CCDC102B: variants seen among roughly 807,000 people sequenced by gnomAD.
The protein encoded by CCDC102B is coiled-coil domain-containing protein 102B.
Under a neutral mutation model 57.4 loss-of-function variants are expected in CCDC102B, and 75 were observed. The observed-to-expected ratio is 1.31, with a 90% CI of 1.08 to 1.58. The LOEUF (loss-of-function observed/expected upper bound fraction) is 1.58. Among genes scored for constraint, CCDC102B ranks in the 40% most tolerant of loss-of-function variants. CCDC102B has a pLI of 0.00. For missense variants in CCDC102B, 636 were observed against 582.6 expected (o/e 1.09, Z -0.94); for synonymous variants, 206 against 201.9 (o/e 1.02, Z -0.17).
At chr18:68,879,018 G>A (rs1466446491) in intron 5 of CCDC102B, among the ~76,000 whole-genome samples, 2 of 152,142 alleles carry the variant, frequency 1.3e-5, no homozygotes, top group Non-Finnish European at 2.9e-5. Context: ...CCTTCTGGTG[G>A]GTTCGTGGTC....
At chr18:69,052,310 A>C (rs554787072) in intron 7 of CCDC102B, among the ~76,000 whole-genome samples, 2 of 152,176 alleles carry the variant, frequency 1.3e-5, no homozygotes, top group South Asian at 4.1e-4. Context: ...AGTTAATGAA[A>C]ATGTGATTAA....
chr18:68,800,597 A>G (rs958388685), intron 1 of CCDC102B, among the ~76,000 whole-genome samples: 8 of 152,118 alleles, frequency 5.3e-5, no homozygotes, highest in African/African-American at 1.7e-4. Flanking sequence ...ACTGATTTGC[A>G]CTGAATATTA....
At chr18:68,959,182 T>C (rs1349835533) in intron 6 of CCDC102B, among the ~76,000 whole-genome samples, 3 of 152,204 alleles carry the variant, frequency 2.0e-5, no homozygotes, top group African/African-American at 7.2e-5. Context: ...TGGGTGTTCC[T>C]GTCTAAGTCT....
chr18:69,017,409 A>C (rs1196192155), intron 7 of CCDC102B, among the ~76,000 whole-genome samples: 1 of 152,162 alleles, frequency 6.6e-6, no homozygotes, highest in Non-Finnish European at 1.5e-5. Context: ...TACAGGCGTG[A>C]ACCATCTTGC....
intron 6 of CCDC102B, among the ~76,000 whole-genome samples, chr18:68,959,460 G>A (rs957207880): frequency 3.9e-5 from 6 of 152,146 alleles, no homozygotes; most frequent in African/African-American, 1.4e-4. Flanking sequence ...CCTGAAGCCA[G>A]CACTGCACTG....
intron 7 of CCDC102B, among the ~76,000 whole-genome samples, chr18:69,044,201 G>T (rs2052502508): frequency 6.6e-6 from 1 of 152,112 alleles, no homozygotes; most frequent in African/African-American, 2.4e-5. Context: ...GTAGAATAGA[G>T]GTTAAGAGTT....
intron 2 of CCDC102B, among the ~76,000 whole-genome samples, chr18:68,742,670 C>T (rs1173437524): frequency 2.0e-5 from 3 of 152,174 alleles, no homozygotes; most frequent in Non-Finnish European, 4.4e-5. Flanking sequence ...ATAATTTTCT[C>T]CATTTATCCT....
intron 2 of CCDC102B, among the ~76,000 whole-genome samples, chr18:68,756,025 T>C (rs1178724961): frequency 6.6e-6 from 1 of 151,592 alleles, no homozygotes; most frequent in Admixed American, 6.6e-5. Flanking sequence ...ACATGAAATT[T>C]AGCCGAAGAT....
At chr18:69,035,379 A>G (rs1182577769) in intron 7 of CCDC102B, among the ~76,000 whole-genome samples, 1 of 152,096 alleles carries the variant, frequency 6.6e-6, no homozygotes, top group East Asian at 1.9e-4. Flanking sequence ...TGGAAAAATG[A>G]AGGTTACTAG....
intron 6 of CCDC102B, chr18:68,897,741 C>A: frequency 1.3e-6 from 1 of 754,468 alleles, no homozygotes; most frequent in Non-Finnish European, 1.9e-6. Flanking sequence ...TCAGTATTTT[C>A]TAAGCTAATG....
chr18:68,960,386 T>C (rs112641936), intron 6 of CCDC102B, among the ~76,000 whole-genome samples: 6 of 152,106 alleles, frequency 3.9e-5, no homozygotes, highest in African/African-American at 1.4e-4. Flanking sequence ...GTATCCACAA[T>C]GCAAGACAAA....
intron 6 of CCDC102B, among the ~76,000 whole-genome samples, chr18:68,923,304 C>T (rs967395791): frequency 2.0e-5 from 3 of 151,542 alleles, no homozygotes; most frequent in African/African-American, 4.8e-5. Context: ...ATGAAATGTA[C>T]ATTTATTGTA....
chr18:69,023,936 T>C (rs2051915896), intron 7 of CCDC102B, among the ~76,000 whole-genome samples: 1 of 152,082 alleles, frequency 6.6e-6, no homozygotes. Context: ...TCAGTGATTT[T>C]TTTTCTGCTT....
intron 2 of CCDC102B, among the ~76,000 whole-genome samples, chr18:68,720,554 T>C (rs1009066529): frequency 6.6e-5 from 10 of 152,194 alleles, no homozygotes; most frequent in African/African-American, 2.4e-4. Context: ...CGTGCACTCA[T>C]GACCCTTATA....
At chr18:68,784,620 C>T (rs1414859367) in intron 2 of CCDC102B, among the ~76,000 whole-genome samples, 1 of 151,216 alleles carries the variant, frequency 6.6e-6, no homozygotes, top group Non-Finnish European at 1.5e-5. Context: ...TATGTTTTAC[C>T]ACTCAATCAT....
intron 1 of CCDC102B, among the ~76,000 whole-genome samples, chr18:68,800,133 A>G (rs1301703906): frequency 6.6e-6 from 1 of 152,172 alleles, no homozygotes; most frequent in Non-Finnish European, 1.5e-5. Flanking sequence ...TTCATTTTGC[A>G]CTTGAAGGAA....
At chr18:69,001,967 G>T (rs1022860986) in intron 6 of CCDC102B, among the ~76,000 whole-genome samples, 1 of 151,972 alleles carries the variant, frequency 6.6e-6, no homozygotes, top group East Asian at 1.9e-4. Context: ...CCATTCTCAG[G>T]CCCAAGACCT....
At chr18:69,014,234 T>C (rs1476129253) in intron 7 of CCDC102B, among the ~76,000 whole-genome samples, 1 of 152,202 alleles carries the variant, frequency 6.6e-6, no homozygotes, top group Admixed American at 6.5e-5. Flanking sequence ...TTTCTCAAGA[T>C]TAACATAATC....
intron 4 of CCDC102B, among the ~76,000 whole-genome samples, chr18:68,852,513 A>G (rs1219914418): frequency 1.3e-5 from 2 of 152,236 alleles, no homozygotes; most frequent in East Asian, 3.9e-4. Flanking sequence ...CCATTTCTAG[A>G]TTACTTATAA....
Sources: gnomAD v4.1 joint callset for allele counts (sites outside exome capture counted in the v4.1 genomes callset) on GRCh38, gnomAD v4.1.1 for gene constraint, MANE v1.5 for transcripts, NCBI Gene and HGNC (gene_info 2026-07-23, HGNC 2026-07-21) for gene names.